TEX9: variants seen among roughly 807,000 people sequenced by gnomAD.
The protein encoded by TEX9 is testis expressed 9, also known as testis-expressed protein 9.
TEX9 carries 74 observed loss-of-function variants against 59.6 expected under a neutral mutation model. That is an observed-to-expected ratio of 1.24 (90% CI 1.03 to 1.51). The LOEUF (loss-of-function observed/expected upper bound fraction) is 1.51. TEX9 is among the 40% of genes most tolerant of loss of function. The probability of loss-of-function intolerance (pLI) is 0.00; values close to 1 mark genes in which losing one functional copy is unlikely to be tolerated. For synonymous variants in TEX9, 186 were observed against 152.2 expected (o/e 1.22, Z -1.64); for missense variants, 522 against 447.8 (o/e 1.17, Z -1.49).
At chr15:56,277,926 A>C (rs2044713230) in intron 1 of TEX9, among the ~76,000 whole-genome samples, 1 of 152,084 alleles carries the variant, frequency 6.6e-6, no homozygotes, top group African/African-American at 2.4e-5. Context: ...CTGAGGAAGA[A>C]ATTCTCCCTC....
At chr15:56,360,187 A>C (rs2046765181) in intron 1 of TEX9, among the ~76,000 whole-genome samples, 1 of 152,194 alleles carries the variant, frequency 6.6e-6, no homozygotes, top group Non-Finnish European at 1.5e-5. Context: ...ATCAGCTTGT[A>C]GTTTTCCTAT....
In TEX9 at chr15:56,300,708, G is replaced by GGAGAGAGAGAGAGAGAGA. The variant is rs60361737; in HGVS notation, c.-107+56451_-107+56468dup. Among the ~76,000 whole-genome samples, 63 of 102,714 alleles carry GGAGAGAGAGAGAGAGAGA rather than the reference G, an allele frequency of 6.1e-4. 2 individuals carry two copies. Among genetic ancestry groups the GGAGAGAGAGAGAGAGAGA allele is most frequent in the African/African-American group, 2.3e-3 (59 of 25,352 alleles). The allele number at this position is 102,714 out of a possible 152,430, so 67.4% of individuals were successfully genotyped here. ...AGCAGAGAGAGAGAGAGAGAGAGAG[G>GGAGAGAGAGAGAGAGAGA]GAGAGAGAGAGAGAGAGAGAGAGAG... On this transcript the variant is annotated intron_variant, in intron 1 of 5. Coordinates refer to the TEX9 transcript ENST00000560827.
intron 9 of TEX9, among the ~76,000 whole-genome samples, chr15:56,402,331 G>A (rs1170439463): frequency 3.3e-5 from 5 of 152,088 alleles, no homozygotes; most frequent in Non-Finnish European, 7.4e-5. Flanking sequence ...CAGAAATACA[G>A]ACTATCATCA....
intron 1 of TEX9, among the ~76,000 whole-genome samples, chr15:56,269,304 T>C (rs1246371862): frequency 2.0e-5 from 3 of 152,172 alleles, no homozygotes; most frequent in Non-Finnish European, 2.9e-5. Context: ...GAAGGGTTTT[T>C]TCGTGTCTCT....
intron 9 of TEX9, chr15:56,395,923 C>CT (rs2048449638): frequency 6.6e-6 from 1 of 152,058 alleles, no homozygotes; most frequent in African/African-American, 2.4e-5. Flanking sequence ...AGTGGGTTGT[C>CT]TTTCACTTTC....
chr15:56,322,736 A>G (rs2045930189), intron 1 of TEX9, among the ~76,000 whole-genome samples: 1 of 152,276 alleles, frequency 6.6e-6, no homozygotes, highest in East Asian at 1.9e-4. Flanking sequence ...TCCAGAGTCA[A>G]AGTTTTGCCA....
intron 1 of TEX9, among the ~76,000 whole-genome samples, chr15:56,283,017 A>G (rs571452539): frequency 6.6e-6 from 1 of 151,408 alleles, no homozygotes; most frequent in East Asian, 1.9e-4. Context: ...GAATAAACAT[A>G]TATGTTTTTA....
chr15:56,359,556 T>C (rs1031367163), intron 1 of TEX9, among the ~76,000 whole-genome samples: 1 of 152,206 alleles, frequency 6.6e-6, no homozygotes, highest in Non-Finnish European at 1.5e-5. Flanking sequence ...TTTTTAAGGC[T>C]GAATATTATT....
At chr15:56,449,863 G>T (rs939138913), downstream of TEX9, among the ~76,000 whole-genome samples, 12 of 152,004 alleles carry the variant, frequency 7.9e-5, no homozygotes, top group Non-Finnish European at 1.8e-4. Flanking sequence ...TCCTGCTATG[G>T]TCCATTAAGT....
At chr15:56,258,057 A>G (rs529438830) in intron 1 of TEX9, among the ~76,000 whole-genome samples, 39 of 152,220 alleles carry the variant, frequency 2.6e-4, no homozygotes, top group Non-Finnish European at 4.4e-5. Context: ...TGCTTTCCCC[A>G]TTGCTTGTTT....
At chr15:56,383,289 C>G (rs1169208213) in intron 3 of TEX9, among the ~76,000 whole-genome samples, 1 of 152,218 alleles carries the variant, frequency 6.6e-6, no homozygotes, top group Non-Finnish European at 1.5e-5. Context: ...GGGGTGGTGT[C>G]AGCTTTTTAA....
intron 1 of TEX9, among the ~76,000 whole-genome samples, chr15:56,266,628 C>T (rs1199706696): frequency 3.3e-5 from 5 of 152,156 alleles, no homozygotes; most frequent in Non-Finnish European, 1.5e-5. Flanking sequence ...TTTCCAGCTT[C>T]ATCCATGTCG....
At chr15:56,280,291 G>A (rs1418676374) in intron 1 of TEX9, among the ~76,000 whole-genome samples, 13 of 152,152 alleles carry the variant, frequency 8.5e-5, no homozygotes, top group Non-Finnish European at 1.8e-4. Context: ...GATCGCTGAT[G>A]ACAGCTTAAA....
At chr15:56,446,790 T>G (rs774770819), downstream of TEX9, 1 of 1,380,168 alleles carries the variant, frequency 7.2e-7, no homozygotes, top group South Asian at 1.3e-5. Context: ...ACAAGTCTAA[T>G]TTTTATTTTC....
intron 1 of TEX9, among the ~76,000 whole-genome samples, chr15:56,265,432 T>A (rs979555246): frequency 3.9e-5 from 6 of 152,068 alleles, no homozygotes; most frequent in African/African-American, 1.4e-4. Flanking sequence ...CTTGGCCTCC[T>A]AAAGTGATGG....
At chr15:56,428,239 G>T in intron 11 of TEX9, 128 bp from the exon 12 acceptor site, 1 of 633,634 alleles carries the variant, frequency 1.6e-6, no homozygotes. Flanking sequence ...TTGGAATTAA[G>T]AGTATACATT....
chr15:56,389,661 T>G (rs2048116678), intron 6 of TEX9, among the ~76,000 whole-genome samples: 1 of 151,378 alleles, frequency 6.6e-6, no homozygotes, highest in Non-Finnish European at 1.5e-5. Context: ...TTATTTCTAG[T>G]GAGTTATTCT....
At chr15:56,379,905 A>G (rs1392591142) in intron 3 of TEX9, among the ~76,000 whole-genome samples, 2 of 146,198 alleles carry the variant, frequency 1.4e-5, no homozygotes, top group Admixed American at 6.9e-5. Flanking sequence ...TTTTATTTTC[A>G]GTCTATATAT....
At chr15:56,270,512 C>T (rs2044502176) in intron 1 of TEX9, among the ~76,000 whole-genome samples, 1 of 152,312 alleles carries the variant, frequency 6.6e-6, no homozygotes. Context: ...AGATCTTCCT[C>T]CATCCTTTTA....
Sources: allele counts gnomAD v4.1 joint callset (sites outside exome capture counted in the v4.1 genomes callset), GRCh38; gene constraint gnomAD v4.1.1; transcripts MANE v1.5; gene names NCBI Gene and HGNC (gene_info 2026-07-23, HGNC 2026-07-21).